The following OXA1L variants were observed in gnomAD, a reference collection of about 807,000 sequenced individuals.
OXA1L encodes the protein mitochondrial inner membrane protein OXA1L.
A neutral mutation model predicts 52.2 loss-of-function variants in OXA1L; 42 were observed. The ratio of observed to expected loss-of-function variants is 0.80; its 90% CI spans 0.63 to 1.04. OXA1L has a LOEUF of 1.04. Ranked by LOEUF, OXA1L falls within the 50% of genes least tolerant of loss-of-function variation. The pLI, the probability that OXA1L is intolerant of heterozygous loss-of-function variation, is 0.00. For synonymous variants in OXA1L, 239 were observed against 201.9 expected, an observed-to-expected ratio of 1.18 and a Z score of -1.56; for missense variants, 572 against 555.0, an observed-to-expected ratio of 1.03 and a Z score of -0.31.
intron 1 of OXA1L, 128 bp downstream of exon 1, chr14:22,766,892 G>A: frequency 1.3e-6 from 2 of 1,539,650 alleles, no homozygotes; most frequent in Non-Finnish European, 1.7e-6. Flanking sequence ...TCATGACCTC[G>A]GGTCATGTGA....
In OXA1L at chr14:22,766,706, C is replaced by A. The variant is rs761729043; in HGVS notation, c.5C>A (p.Ala2Glu). Residue 2 changes from alanine (A) to glutamate (E), a missense_variant, in exon 1 of 10, where the codon GCG (alanine) becomes GAG (glutamate). By Grantham distance (107) the Ala-to-Glu change is moderately radical (BLOSUM62 -1). Transcript: ENST00000612549. The part of the protein sequence containing the change: M[A>E]MGLMCGRREL... Reference sequence around the variant, plus strand: ...GCAAGTCCTCTTCCGGGCAAAATGGCGATGGGACTAATGTGCGGACGCCGG... The same window carrying A: ...GCAAGTCCTCTTCCGGGCAAAATGGAGATGGGACTAATGTGCGGACGCCGG... The A allele has an allele frequency of 6.2e-7, 1 of 1,614,270 alleles. No homozygotes were observed. Among genetic ancestry groups the A allele is most frequent in the African/African-American group, 1.3e-5 (1 of 75,080 alleles).
At chr14:22,768,740 T>C (rs2038432130) in intron 3 of OXA1L, 1 of 155,500 alleles carries the variant, frequency 6.4e-6, no homozygotes, top group African/African-American at 2.4e-5. Context: ...ATGGCTGTTA[T>C]TTATTTTGTT....
At position 22,766,718 on chromosome 14, in the gene OXA1L, T is replaced by C. The variant is rs755328926; in HGVS notation, c.17T>C (p.Met6Thr). The change falls in exon 1 of 10, where the codon ATG (methionine) becomes ACG (threonine). Residue 6 changes from methionine (M) to threonine (T), a missense_variant. Transcript: ENST00000612549. Reference protein sequence around the residue: MAMGLMCGRRELLRLL... With the variant: MAMGLTCGRRELLRLL... ...CCGGGCAAAATGGCGATGGGACTAA[T>C]GTGCGGACGCCGGGAGCTTCTGCGC... 30 of 1,614,142 alleles carry C rather than the reference T, an allele frequency of 1.9e-5. No homozygotes were observed. Among genetic ancestry groups the C allele is most frequent in the East Asian group, 8.9e-5 (4 of 44,900 alleles).
At position 22,771,002 on chromosome 14, in the gene OXA1L, C is replaced by A. The variant is rs764466023; in HGVS notation, c.940-16C>A. ...GGGATACAGCTTCTGAGTCCCTTCT[C>A]TGTGTTCTCACCCAGGCAGTGTTTA... On this transcript the variant is annotated splice_polypyrimidine_tract_variant and intron_variant, in intron 7 of 9. Coordinates refer to ENST00000612549, the MANE Select transcript of OXA1L (RefSeq NM_005015.5). 5.5e-5 allele frequency: 88 copies of A among 1,614,052 alleles called. No individual in the cohort carries two copies. The highest frequency in any genetic ancestry group is 7.4e-5 in the Non-Finnish European group (87 of 1,180,006).
Position 22,771,964 on chromosome 14 carries a change from G to T in OXA1L, c.*406G>T, listed in dbSNP as rs565024257. Reference sequence around the variant, plus strand: ...TTTTACAAAAATAGCCACACGTGGTGGTGCACACCTGTAGTCCCAGCTACT... The same window carrying T: ...TTTTACAAAAATAGCCACACGTGGTTGTGCACACCTGTAGTCCCAGCTACT... On this transcript the variant is annotated 3_prime_UTR_variant, in exon 10 of 10. Transcript: ENST00000612549. 2.9e-4 allele frequency: 56 copies of T among 191,148 alleles called. No homozygotes were observed. The East Asian group carries it at 5.5e-3, about 19-fold the overall frequency. The allele number at this position is 191,148 out of a possible 1,614,324, so 11.8% of individuals were successfully genotyped here. A position where few individuals can be genotyped will look rare whatever the true frequency, so the allele number is the denominator to read the frequency against.
chr14:22,767,121 CAAT>C, intron 1 of OXA1L, 124 bp from the exon 2 acceptor site: 1 of 1,534,408 alleles, frequency 6.5e-7, no homozygotes, highest in South Asian at 1.2e-5. Context: ...GCGGTGATAG[CAAT>C]GTCCTCCCCT....
At chr14:22,766,947 G>A in intron 1 of OXA1L, 183 bp downstream of exon 1, 3 of 1,515,530 alleles carry the variant, frequency 2.0e-6, no homozygotes, top group Admixed American at 2.1e-5. Flanking sequence ...CCAGCAGCCC[G>A]GTGTCAGCTT....
chr14:22,770,436 T>C (rs1262251620), intron 5 of OXA1L, 25 bp from the exon 6 acceptor site: 3 of 1,608,468 alleles, frequency 1.9e-6, no homozygotes, highest in African/African-American at 2.7e-5. Context: ...TAAAGCATGC[T>C]GACACTGTTT....
Position 22,769,823 on chromosome 14 carries a change from C to T in OXA1L, c.472C>T (p.Leu158Phe), listed in dbSNP as rs1490564308. Residue 158 changes from leucine (L) to phenylalanine (F), a missense_variant, in exon 4 of 10, where the codon CTC (leucine) becomes TTC (phenylalanine). Physicochemically the swap from Leu to Phe is conservative, Grantham distance 22. Transcript: ENST00000612549. ...TVFARCLIFP[L>F]IVTGQREAAR... Reference sequence around the variant, plus strand: ...CTTTGCCCGCTGCCTGATTTTTCCTCTCATCGTGACGGGCCAGCGAGAGGC... The same window carrying T: ...CTTTGCCCGCTGCCTGATTTTTCCTTTCATCGTGACGGGCCAGCGAGAGGC... 1.2e-6 allele frequency: 2 copies of T among 1,614,044 alleles called. No individual in the cohort carries two copies. Among genetic ancestry groups the T allele is most frequent in the South Asian group, 1.1e-5 (1 of 91,084 alleles).
Position 22,767,261 on chromosome 14 carries a change from C to T in OXA1L, c.77C>T (p.Ala26Val). 1 of 1,610,434 alleles carries T rather than the reference C, an allele frequency of 6.2e-7. No individual in the cohort carries two copies. Among genetic ancestry groups the T allele is most frequent in the Non-Finnish European group, 8.5e-7 (1 of 1,178,690 alleles). ...TTACACGCTCAGGTCCACAGCGTCG[C>T]AGGGCCCTCGCAATGGCTTGGGAAA... ...LQSGRRVHSV[A>V]GPSQWLGKPL... The change falls in exon 2 of 10, where the codon GCA becomes GTA. Residue 26 changes from alanine (A) to valine (V), a missense_variant. Ala to Val is a moderately conservative substitution (Grantham distance 64, BLOSUM62 0). Coordinates refer to ENST00000612549, the MANE Select transcript of OXA1L (RefSeq NM_005015.5).
intron 2 of OXA1L, 182 bp from the exon 3 acceptor site, chr14:22,767,776 C>G: frequency 1.8e-6 from 1 of 540,714 alleles, no homozygotes; most frequent in Non-Finnish European, 3.2e-6. Flanking sequence ...AAAGTAACTT[C>G]TCTTCCTAAC....
intron 2 of OXA1L, chr14:22,767,709 A>G: frequency 2.0e-6 from 1 of 495,170 alleles, no homozygotes; most frequent in Non-Finnish European, 3.6e-6. Context: ...GAAGTTTGGA[A>G]AACAGTGATA....
At chr14:22,767,773 C>T (rs762729568) in intron 2 of OXA1L, 185 bp from the exon 3 acceptor site, 98 of 538,782 alleles carry the variant, frequency 1.8e-4, no homozygotes, top group Non-Finnish European at 2.7e-4. Flanking sequence ...CTCAAAGTAA[C>T]TTCTCTTCCT....
At position 22,769,825 on chromosome 14, in the gene OXA1L, C is replaced by CA; in HGVS notation, c.475dup (p.Ile159AsnfsTer36). 6.2e-7 allele frequency: 1 copy of CA among 1,614,180 alleles called. No homozygotes were observed. Among genetic ancestry groups the CA allele is most frequent in the Non-Finnish European group, 8.5e-7 (1 of 1,180,032 alleles). ...TTGCCCGCTGCCTGATTTTTCCTCTCATCGTGACGGGCCAGCGAGAGGCAG... is the reference window on the plus strand; with the variant it reads ...TTGCCCGCTGCCTGATTTTTCCTCTCAATCGTGACGGGCCAGCGAGAGGCAG... On this transcript the variant is annotated frameshift_variant, in exon 4 of 10. Transcript: ENST00000612549. LOFTEE classifies it high-confidence loss of function.
chr14:22,770,098 T>G, intron 4 of OXA1L, 95 bp from the exon 5 acceptor site: 12 of 1,337,354 alleles, frequency 9.0e-6, no homozygotes, highest in Non-Finnish European at 1.3e-5. Context: ...TGGCCAGGGT[T>G]GGTTAGAAAT....
chr14:22,766,779 G>C lies in OXA1L; in HGVS notation c.63+15G>C, dbSNP rs1177426391. ...CCGGGCGTCGGGTAAGGATGCCCCG[G>C]GGCAGAGCACCGGGATGCTGCCCTG... On this transcript the variant is annotated intron_variant, in intron 1 of 9. Coordinates refer to ENST00000612549, the MANE Select transcript of OXA1L (RefSeq NM_005015.5). The C allele has an allele frequency of 1.2e-6, 2 of 1,613,846 alleles. No individual in the cohort carries two copies. Among genetic ancestry groups the C allele is most frequent in the East Asian group, 2.2e-5 (1 of 44,886 alleles).
intron 2 of OXA1L, 41 bp from the exon 3 acceptor site, chr14:22,767,906 TGCTTTGTGTTC>T: frequency 7.1e-7 from 1 of 1,404,134 alleles, no homozygotes; most frequent in Non-Finnish European, 9.9e-7. Context: ...AGATCTCACT[TGCTTTGTGTTC>T]GCTACTGAAT....
chr14:22,769,735 C>A, intron 3 of OXA1L, 56 bp from the exon 4 acceptor site: 1 of 1,599,530 alleles, frequency 6.3e-7, no homozygotes. Context: ...AAGCCTTCAA[C>A]CTTCTAGCTG....
chr14:22,772,520 C>CAAAAAA lies in OXA1L; in HGVS notation c.*963_*964insAAAAAA. Reference sequence around the variant, plus strand: ...AAAAAAAAAAAAAAAAAAAAAAAAACAGTTTAAACTTCCAACCCATGCATG... The same window carrying CAAAAAA: ...AAAAAAAAAAAAAAAAAAAAAAAAACAAAAAAAGTTTAAACTTCCAACCCATGCATG... On this transcript the variant is annotated 3_prime_UTR_variant, in exon 10 of 10. Transcript: ENST00000612549. 1 of 111,616 alleles carries CAAAAAA rather than the reference C, an allele frequency of 9.0e-6. No homozygotes were observed. Among genetic ancestry groups the CAAAAAA allele is most frequent in the East Asian group, 2.6e-4 (1 of 3,776 alleles). 6.9% of individuals were successfully genotyped at this position (111,616 alleles called of 1,614,324 possible). A position where few individuals can be genotyped will look rare whatever the true frequency, so the allele number is the denominator to read the frequency against.
Sources: gnomAD v4.1 joint callset for allele counts on GRCh38, gnomAD v4.1.1 for gene constraint, MANE v1.5 for transcripts, NCBI Gene and HGNC (gene_info 2026-07-23, HGNC 2026-07-21) for gene names.